The following RAPGEF5 variants were observed in gnomAD, a reference collection of about 807,000 sequenced individuals.
RAPGEF5 encodes the protein Rap guanine nucleotide exchange factor 5.
In RAPGEF5, 65 loss-of-function variants were observed where a neutral mutation model predicts 125.2. The observed-to-expected ratio is 0.52, with a 90% confidence interval of 0.43 to 0.64. The LOEUF (loss-of-function observed/expected upper bound fraction) is 0.64, where lower values mean the gene tolerates loss of function less well. Ranked by LOEUF, RAPGEF5 falls within the 30% of genes least tolerant of loss-of-function variation. The probability of loss-of-function intolerance (pLI) is 0.00; values close to 1 mark genes in which losing one functional copy is unlikely to be tolerated. For missense variants in RAPGEF5, 958 were observed against 1,048.1 expected (o/e 0.91, Z 1.19); for synonymous variants, 391 against 385.9 (o/e 1.01, Z -0.16).
chr7:22,182,365 A>C (rs936276074), intron 11 of RAPGEF5, among the ~76,000 whole-genome samples: 3 of 152,198 alleles, frequency 2.0e-5, no homozygotes, highest in African/African-American at 7.2e-5. Context: ...GTTAGAGTGA[A>C]ACTATCATTT....
intron 1 of RAPGEF5, among the ~76,000 whole-genome samples, chr7:22,351,837 T>C (rs537489341): frequency 2.0e-5 from 3 of 152,198 alleles, no homozygotes; most frequent in South Asian, 2.1e-4. Context: ...GAGGAGGGTA[T>C]TGAGTCAGAG....
At chr7:22,250,889 A>G (rs537749198) in intron 7 of RAPGEF5, among the ~76,000 whole-genome samples, 1 of 152,308 alleles carries the variant, frequency 6.6e-6, no homozygotes, top group East Asian at 1.9e-4. Flanking sequence ...ATTTTATAAA[A>G]GAATGGAAAC....
rs534571236 is a variant in RAPGEF5, at chr7:22,196,363, GTTAAGA to G, written c.997-2336_997-2331del. 2.2e-3 allele frequency among the ~76,000 whole-genome samples: 334 copies of G among 152,270 alleles called. 2 individuals carry two copies. Among genetic ancestry groups the G allele is most frequent in the South Asian group, 5.0e-3 (24 of 4,826 alleles). ...GAAATTTTATTCTTGTGCTTGATTG[GTTAAGA>G]TTAAAAGTATTAAGAGAATTAATAA... is the stretch of plus-strand genomic sequence containing the variant. On this transcript the variant is annotated intron_variant, in intron 9 of 25. Transcript: ENST00000665637.
chr7:22,153,148 C>A (rs986586949), intron 17 of RAPGEF5, among the ~76,000 whole-genome samples: 1 of 152,180 alleles, frequency 6.6e-6, no homozygotes, highest in Non-Finnish European at 1.5e-5. Context: ...TCATTCAGCT[C>A]TTCCTTCTCT....
At chr7:22,302,405 G>T (rs1239563819) in intron 5 of RAPGEF5, among the ~76,000 whole-genome samples, 1 of 152,164 alleles carries the variant, frequency 6.6e-6, no homozygotes, top group South Asian at 2.1e-4. Flanking sequence ...CAATCAGCCA[G>T]GCAGGACCAC....
intron 18 of RAPGEF5, among the ~76,000 whole-genome samples, chr7:22,148,385 G>A (rs1190703555): frequency 6.6e-6 from 1 of 152,100 alleles, no homozygotes; most frequent in Admixed American, 6.6e-5. Flanking sequence ...TTTATTCAAG[G>A]TTGTCCATTG....
At chr7:22,349,144 C>T (rs1332518105) in intron 1 of RAPGEF5, among the ~76,000 whole-genome samples, 3 of 148,948 alleles carry the variant, frequency 2.0e-5, no homozygotes, top group Non-Finnish European at 4.4e-5. Context: ...TCAGTAGGGG[C>T]CAAGAACAGT....
At position 22,333,068 on chromosome 7, in the gene RAPGEF5, A is replaced by G. The variant is rs143856485; in HGVS notation, c.232-15031T>C. Reference sequence around the variant, plus strand: ...TGCCTACCAAGTGAGATCAACTCTGAGCTCATTATGTGATACAGATATATA... The same window carrying G: ...TGCCTACCAAGTGAGATCAACTCTGGGCTCATTATGTGATACAGATATATA... On this transcript the variant is annotated intron_variant, in intron 1 of 25. Transcript: ENST00000665637. Among the ~76,000 whole-genome samples the G allele has an allele frequency of 2.6e-5, 4 of 152,340 alleles. No homozygotes were observed. In the East Asian group the frequency reaches 5.8e-4, roughly 22 times the overall value.
At chr7:22,218,601 A>T (rs537616185) in intron 9 of RAPGEF5, among the ~76,000 whole-genome samples, 54 of 152,350 alleles carry the variant, frequency 3.5e-4, no homozygotes, top group Non-Finnish European at 1.5e-5. Flanking sequence ...ATTAAAATGA[A>T]TCAAAAGGAA....
In RAPGEF5 at chr7:22,144,634, G is replaced by C. The variant is rs542098837; in HGVS notation, c.2186+410C>G. Among the ~76,000 whole-genome samples the C allele has an allele frequency of 7.2e-4, 110 of 152,318 alleles. 2 individuals carry two copies. In the Middle Eastern group the frequency reaches 0.01, roughly 14 times the overall value. On this transcript the variant is annotated intron_variant, in intron 20 of 25. Coordinates refer to ENST00000665637, the MANE Select transcript of RAPGEF5 (RefSeq NM_012294.5). ...CCTTCTAATGAACGAGTTCGCAAAA[G>C]TTCATACGGTGGGCCTCAAGGAGCA...
chr7:22,267,308 A>C lies in RAPGEF5; in HGVS notation c.748-296T>G, dbSNP rs2256891. 0.2 allele frequency among the ~76,000 whole-genome samples: 30,475 copies of C among 152,018 alleles called. 3,221 individuals carry two copies. Among genetic ancestry groups the C allele is most frequent in the African/African-American group, 0.26 (10,944 of 41,414 alleles). ...GATGATGGGAAGTACCTAAAAAAAA[A>C]CTATATAATATTCAGATATAATGCA... On this transcript the variant is annotated intron_variant, in intron 6 of 25. Transcript: ENST00000665637.
At chr7:22,198,733 G>A (rs77054342) in intron 9 of RAPGEF5, among the ~76,000 whole-genome samples, 10,356 of 152,210 alleles carry the variant, frequency 0.068, 424 homozygotes, top group Middle Eastern at 0.13. Context: ...AACACTTACT[G>A]AGGGCTTACC....
At chr7:22,126,710 T>C (rs868185978) in intron 24 of RAPGEF5, among the ~76,000 whole-genome samples, 12 of 152,140 alleles carry the variant, frequency 7.9e-5, no homozygotes, top group Admixed American at 2.6e-4. Context: ...GCCTCACCAG[T>C]TCAAGCAATT....
At chr7:22,248,968 A>T (rs1200819877) in intron 7 of RAPGEF5, among the ~76,000 whole-genome samples, 2 of 152,206 alleles carry the variant, frequency 1.3e-5, no homozygotes, top group Non-Finnish European at 2.9e-5. Context: ...AATTTCTCAC[A>T]GTCATTCTTC....
rs186237907 is a variant in RAPGEF5 at position 22,272,432 on chromosome 7, C to T, written c.748-5420G>A. Among the ~76,000 whole-genome samples the T allele has an allele frequency of 3.1e-4, 47 of 150,704 alleles. No individual in the cohort carries two copies. In the East Asian group the frequency reaches 8.4e-3, roughly 27 times the overall value. On this transcript the variant is annotated intron_variant, in intron 6 of 25. Coordinates refer to ENST00000665637, the MANE Select transcript of RAPGEF5 (RefSeq NM_012294.5). ...AGGACAGAGCAATATTAGCAAAGGT[C>T]TTAGTTACCAAAGCGTTGTCCTTAC...
At chr7:22,326,020 G>C (rs955715291) in intron 1 of RAPGEF5, among the ~76,000 whole-genome samples, 1 of 152,202 alleles carries the variant, frequency 6.6e-6, no homozygotes, top group Non-Finnish European at 1.5e-5. Flanking sequence ...GGTCAGAAAT[G>C]AGTGAAAGAA....
At chr7:22,231,283 G>A (rs1375416582) in intron 7 of RAPGEF5, among the ~76,000 whole-genome samples, 4 of 151,850 alleles carry the variant, frequency 2.6e-5, no homozygotes, top group African/African-American at 9.7e-5. Flanking sequence ...TTTTTAATGT[G>A]GCTTTCTGGC....
At chr7:22,268,518 C>A (rs1243706869) in intron 6 of RAPGEF5, among the ~76,000 whole-genome samples, 1 of 152,100 alleles carries the variant, frequency 6.6e-6, no homozygotes, top group African/African-American at 2.4e-5. Context: ...TGTAGTATTA[C>A]CAGTTCTTTT....
chr7:22,235,167 T>A (rs1168266857), intron 7 of RAPGEF5, among the ~76,000 whole-genome samples: 3 of 152,228 alleles, frequency 2.0e-5, no homozygotes, highest in Non-Finnish European at 4.4e-5. Flanking sequence ...TATTGGGTAC[T>A]CTGCCAAGAA....
Sources: allele counts gnomAD v4.1 joint callset (sites outside exome capture counted in the v4.1 genomes callset), GRCh38; gene constraint gnomAD v4.1.1; transcripts MANE v1.5; gene names NCBI Gene and HGNC (gene_info 2026-07-23, HGNC 2026-07-21).